Variants in SF3A3 observed in about 807,000 individuals in gnomAD.
SF3A3 encodes splicing factor 3a subunit 3.
A neutral mutation model predicts 85.8 loss-of-function variants in SF3A3; 9 were observed. The observed-to-expected ratio is 0.10, with a 90% confidence interval of 0.06 to 0.18. The LOEUF (loss-of-function observed/expected upper bound fraction) is 0.18, where lower values mean the gene tolerates loss of function less well. SF3A3 is among the 10% of genes least tolerant of loss of function. The pLI is 1.00. For synonymous variants in SF3A3, 195 were observed against 204.4 expected (o/e 0.95, Z 0.39); for missense variants, 306 against 593.3 (o/e 0.52, Z 5.03).
chr1:37,961,463 A>G (rs1041699320), intron 15 of SF3A3, among the ~76,000 whole-genome samples: 3 of 152,024 alleles, frequency 2.0e-5, no homozygotes, highest in African/African-American at 4.8e-5. Flanking sequence ...GCATGCCTGT[A>G]ATCCCAGCTA....
rs1246711868 is a variant in SF3A3 at position 37,968,385 on chromosome 1, T to C, written c.1282-251A>G. On this transcript the variant is annotated intron_variant, in intron 14 of 16. Coordinates refer to ENST00000373019, the MANE Select transcript of SF3A3 (RefSeq NM_006802.4). Reference sequence around the variant, plus strand: ...CTAGATTCTAGACCCAGTAGTCTTATACATAAAACCTCTGGGTCAAGATCA... The same window carrying C: ...CTAGATTCTAGACCCAGTAGTCTTACACATAAAACCTCTGGGTCAAGATCA... 2.6e-5 allele frequency among the ~76,000 whole-genome samples: 4 copies of C among 152,202 alleles called. No individual in the cohort carries two copies. The East Asian group carries it at 7.7e-4, about 29-fold the overall frequency.
chr1:37,964,164 C>T (rs558443851), intron 15 of SF3A3, among the ~76,000 whole-genome samples: 6 of 150,024 alleles, frequency 4.0e-5, no homozygotes, highest in East Asian at 4.2e-4. Context: ...GGCGACAGTG[C>T]GAGACTCCGT....
chr1:37,986,630 T>C (rs1156718957), intron 4 of SF3A3, among the ~76,000 whole-genome samples: 1 of 151,676 alleles, frequency 6.6e-6, no homozygotes, highest in Non-Finnish European at 1.5e-5. Context: ...GCTAACATGG[T>C]GAAACCCTGT....
rs562480732 is a variant in SF3A3, at chr1:37,957,607, C to T, written c.*579G>A. The T allele has an allele frequency of 2.2e-3, 331 of 151,848 alleles. 2 individuals are homozygous for T. Among genetic ancestry groups the T allele is most frequent in the Admixed American group, 6.4e-3 (97 of 15,170 alleles). The allele number at this position is 151,848 out of a possible 1,614,324, so 9.4% of individuals were successfully genotyped here. On this transcript the variant is annotated 3_prime_UTR_variant, in exon 17 of 17. Coordinates refer to ENST00000373019, the MANE Select transcript of SF3A3 (RefSeq NM_006802.4). ...TCAGCCTCCCAAGTAGCTGGGACTACAGGCACAAGCCACTGCACCCAGCTC... is the reference window on the plus strand; with the variant it reads ...TCAGCCTCCCAAGTAGCTGGGACTATAGGCACAAGCCACTGCACCCAGCTC...
chr1:37,977,801 T>C (rs992493212), intron 11 of SF3A3, among the ~76,000 whole-genome samples: 1 of 152,042 alleles, frequency 6.6e-6, no homozygotes, highest in African/African-American at 2.4e-5. Flanking sequence ...ATTGCGCCAC[T>C]GCACTTGAGC....
Position 37,968,064 on chromosome 1 carries a change from T to C in SF3A3, c.1352A>G (p.Gln451Arg). The change falls in exon 15 of 17, where the codon CAG (glutamine) becomes CGG (arginine). Residue 451 changes from glutamine (Q) to arginine (R), a missense_variant. Physicochemically the swap from Gln to Arg is conservative, Grantham distance 43 (BLOSUM62 1). Coordinates refer to ENST00000373019, the MANE Select transcript of SF3A3 (RefSeq NM_006802.4). Reference sequence around the variant, plus strand: ...CTTACAGGAGACAGCATCTTCAATCTGTGTCACATTAGCAAAGTGAGCAGT... The same window carrying C: ...CTTACAGGAGACAGCATCTTCAATCCGTGTCACATTAGCAAAGTGAGCAGT... ...PNTAHFANVT[Q>R]IEDAVSLWAK... The C allele has an allele frequency of 1.2e-6, 2 of 1,610,954 alleles. No homozygotes were observed. The highest frequency in any genetic ancestry group is 2.2e-5 in the South Asian group (2 of 91,022).
chr1:37,974,105 T>A (rs1268021661), intron 12 of SF3A3, among the ~76,000 whole-genome samples: 1 of 151,916 alleles, frequency 6.6e-6, no homozygotes, highest in Non-Finnish European at 1.5e-5. Flanking sequence ...GGGGGAGGGA[T>A]AGCATTAGGA....
intron 15 of SF3A3, 101 bp downstream of exon 15, chr1:37,967,943 C>T (rs1557749098): frequency 1.4e-6 from 1 of 729,458 alleles, no homozygotes; most frequent in Non-Finnish European, 2.5e-6. Flanking sequence ...TATCCACAAC[C>T]TACTGCCTTT....
chr1:37,989,167 C>A (rs1646476832), intron 2 of SF3A3, among the ~76,000 whole-genome samples: 1 of 151,934 alleles, frequency 6.6e-6, no homozygotes, highest in Non-Finnish European at 1.5e-5. Flanking sequence ...TGGTGGCGAG[C>A]GCCTGTAGTC....
chr1:37,971,714 A>G (rs541219390), intron 12 of SF3A3, among the ~76,000 whole-genome samples: 2 of 152,332 alleles, frequency 1.3e-5, no homozygotes, highest in African/African-American at 4.8e-5. Context: ...ACGCAAATCA[A>G]TAAACGTAAT....
chr1:37,967,966 A>C (rs1646314525), intron 15 of SF3A3, 78 bp downstream of exon 15: 1 of 818,580 alleles, frequency 1.2e-6, no homozygotes, highest in Admixed American at 1.8e-5. Flanking sequence ...CCCTGGATAC[A>C]CAGGGTATTA....
Position 37,989,962 on chromosome 1 carries a change from C to G in SF3A3, c.4G>C (p.Glu2Gln), listed in dbSNP as rs1646484513. 3 of 1,610,116 alleles carry G rather than the reference C, an allele frequency of 1.9e-6. No individual in the cohort carries two copies. The highest frequency in any genetic ancestry group is 2.5e-6 in the Non-Finnish European group (3 of 1,178,790). The change falls in exon 1 of 17, where the codon GAG becomes CAG. Residue 2 changes from glutamate to glutamine, a missense_variant. This residue lies in a region of SF3A3 where 152 missense variants were observed against 192.0 expected (regional missense o/e 0.79). Coordinates refer to ENST00000373019, the MANE Select transcript of SF3A3 (RefSeq NM_006802.4). ...CGCCGCTGCTGCTCCAGTATTGTCT[C>G]CATCTTCCCTTAGTCGCGGCTTCTC... M[E>Q]TILEQQRRYH...
At chr1:37,988,877 GTGTA>G (rs995903355) in intron 2 of SF3A3, among the ~76,000 whole-genome samples, 3 of 148,650 alleles carry the variant, frequency 2.0e-5, no homozygotes, top group African/African-American at 7.6e-5. Context: ...GTGTGTGTGT[GTGTA>G]TATATATATA....
chr1:37,982,165 GT>G (rs751831897), intron 6 of SF3A3, among the ~76,000 whole-genome samples: 32 of 152,122 alleles, frequency 2.1e-4, no homozygotes, highest in Non-Finnish European at 4.0e-4. Context: ...GTTCACGCAA[GT>G]AACTACTTAT....
At chr1:37,986,175 T>C (rs895726653) in intron 4 of SF3A3, among the ~76,000 whole-genome samples, 1 of 152,118 alleles carries the variant, frequency 6.6e-6, no homozygotes, top group Non-Finnish European at 1.5e-5. Context: ...CTCCAACTCC[T>C]GACCTCAGAT....
At chr1:37,959,957 CAAAA>C (rs34993722) in intron 16 of SF3A3, among the ~76,000 whole-genome samples, 159 bp downstream of exon 16, 24 of 97,322 alleles carry the variant, frequency 2.5e-4, no homozygotes, top group East Asian at 3.1e-4. Flanking sequence ...GACTCCGTGT[CAAAA>C]AAAAAAAAAA....
chr1:37,976,168 A>C (rs981216577), intron 12 of SF3A3, among the ~76,000 whole-genome samples: 5 of 152,004 alleles, frequency 3.3e-5, no homozygotes, highest in African/African-American at 1.2e-4. Context: ...AAAAAAAAAA[A>C]AAACTGTACA....
intron 4 of SF3A3, 101 bp downstream of exon 4, chr1:37,987,472 C>T: frequency 1.2e-6 from 1 of 841,626 alleles, no homozygotes; most frequent in Non-Finnish European, 2.0e-6. Context: ...CAAGTTCTTT[C>T]TTGAAGTGCA....
In SF3A3 at chr1:37,966,072, G is replaced by A. The variant is rs534941904; in HGVS notation, c.1372+1972C>T. On this transcript the variant is annotated intron_variant, in intron 15 of 16. Coordinates refer to ENST00000373019, the MANE Select transcript of SF3A3 (RefSeq NM_006802.4). ...AAAAAAATTAGCCAGGCGTGGTGGC[G>A]AGCGCTTGTAATTCCAGCTACTCGG... Among the ~76,000 whole-genome samples, 17 of 152,074 alleles carry A rather than the reference G, an allele frequency of 1.1e-4. 1 individual carries two copies. The highest frequency in any genetic ancestry group is 2.4e-4 in the African/African-American group (10 of 41,510).
Sources: allele counts gnomAD v4.1 joint callset (sites outside exome capture counted in the v4.1 genomes callset), GRCh38; gene constraint gnomAD v4.1.1; regional missense constraint gnomAD v4.1.1; transcripts MANE v1.5; gene names NCBI Gene and HGNC (gene_info 2026-07-23, HGNC 2026-07-21).